SLC9A9: variants seen among roughly 807,000 people sequenced by gnomAD.
SLC9A9 encodes sodium/hydrogen exchanger 9.
A neutral mutation model predicts 77.8 loss-of-function variants in SLC9A9; 62 were observed. That is an observed-to-expected ratio of 0.80 (90% CI 0.65 to 0.98). The LOEUF (loss-of-function observed/expected upper bound fraction) is 0.98, where lower values mean the gene tolerates loss of function less well. SLC9A9 is among the 50% of genes least tolerant of loss of function. SLC9A9 has a pLI of 0.00. For missense variants in SLC9A9, 775 were observed against 774.9 expected (o/e 1.00, Z 0.00); for synonymous variants, 320 against 283.5 (o/e 1.13, Z -1.29).
At chr3:143,422,835 C>T (rs1356353109) in intron 12 of SLC9A9, among the ~76,000 whole-genome samples, 1 of 152,184 alleles carries the variant, frequency 6.6e-6, no homozygotes, top group Non-Finnish European at 1.5e-5. Flanking sequence ...CAGTGTGGCC[C>T]TGGCCCTGTG....
At chr3:143,369,675 G>A (rs1401693057) in intron 13 of SLC9A9, among the ~76,000 whole-genome samples, 1 of 151,896 alleles carries the variant, frequency 6.6e-6, no homozygotes, top group Non-Finnish European at 1.5e-5. Context: ...CTCTTTGAAG[G>A]AAAAAAAAGA....
At chr3:143,614,445 C>T (rs1304118301) in intron 6 of SLC9A9, among the ~76,000 whole-genome samples, 5 of 152,262 alleles carry the variant, frequency 3.3e-5, no homozygotes, top group South Asian at 2.1e-4. Context: ...AGGATATGTC[C>T]GGCTTGGGGG....
intron 12 of SLC9A9, among the ~76,000 whole-genome samples, chr3:143,431,363 C>G (rs2034510069): frequency 6.6e-6 from 1 of 152,172 alleles, no homozygotes; most frequent in Non-Finnish European, 1.5e-5. Flanking sequence ...TAATTCAACT[C>G]TCAGCCCCTA....
chr3:143,426,630 G>GA (rs1207906716), intron 12 of SLC9A9, among the ~76,000 whole-genome samples: 3 of 152,052 alleles, frequency 2.0e-5, no homozygotes, highest in African/African-American at 7.2e-5. Flanking sequence ...GCAGCATGCA[G>GA]AAAAAAACAT....
chr3:143,739,092 G>A (rs762193907), intron 4 of SLC9A9, among the ~76,000 whole-genome samples: 1 of 152,122 alleles, frequency 6.6e-6, no homozygotes, highest in Non-Finnish European at 1.5e-5. Flanking sequence ...TATAAGGTAA[G>A]TGGTGAAGCT....
chr3:143,439,693 C>A (rs1412051631), intron 12 of SLC9A9, among the ~76,000 whole-genome samples: 1 of 152,132 alleles, frequency 6.6e-6, no homozygotes, highest in Non-Finnish European at 1.5e-5. Flanking sequence ...CCCTGTATCC[C>A]CCCAACTCCC....
At position 143,278,207 on chromosome 3, in the gene SLC9A9, G is replaced by A. The variant is rs139808942; in HGVS notation, c.1605-9227C>T. 7.3e-3 allele frequency among the ~76,000 whole-genome samples: 1,118 copies of A among 152,260 alleles called. 15 individuals are homozygous for A. Among genetic ancestry groups the A allele is most frequent in the African/African-American group, 0.025 (1,036 of 41,548 alleles). ...ACTGCAGTGTAGGCCCCACAGGTTC[G>A]GATTCTCAGAGCACTAAGTCAAAGA... On this transcript the variant is annotated intron_variant, in intron 14 of 15. Transcript: ENST00000316549.
chr3:143,406,812 C>G (rs2033991126), intron 12 of SLC9A9, among the ~76,000 whole-genome samples: 1 of 151,706 alleles, frequency 6.6e-6, no homozygotes, highest in Non-Finnish European at 1.5e-5. Flanking sequence ...CCTGTCTCTA[C>G]TAAAAACACA....
intron 14 of SLC9A9, among the ~76,000 whole-genome samples, chr3:143,309,652 G>C (rs1391528069): frequency 6.6e-6 from 1 of 152,166 alleles, no homozygotes; most frequent in African/African-American, 2.4e-5. Context: ...CTTTAAAGGG[G>C]CATTTTCTTA....
Position 143,382,061 on chromosome 3 carries a change from T to C in SLC9A9, c.1523A>G (p.Gln508Arg), listed in dbSNP as rs1193393270. 2 of 1,614,138 alleles carry C rather than the reference T, an allele frequency of 1.2e-6. No homozygotes were observed. Among genetic ancestry groups the C allele is most frequent in the South Asian group, 1.1e-5 (1 of 91,082 alleles). ...TGTGCATTGGTTTCTTTGACTTGCC[T>C]GGTGTTGTGAGGAGGGGTCCTCCTT... is the stretch of plus-strand genomic sequence containing the variant. ...NLKEDPSSQH[Q>R]EANNLDKNMT... The change falls in exon 13 of 16, where the codon CAG (glutamine) becomes CGG (arginine). Residue 508 changes from glutamine (Q) to arginine (R), a missense_variant and splice_region_variant. Gln to Arg is a conservative substitution (Grantham distance 43). Transcript: ENST00000316549.
intron 12 of SLC9A9, among the ~76,000 whole-genome samples, chr3:143,453,970 T>C (rs1559923813): frequency 6.6e-6 from 1 of 152,180 alleles, no homozygotes; most frequent in African/African-American, 2.4e-5. Context: ...CCTTCTGTCA[T>C]GTGAGGACAT....
chr3:143,324,298 C>T (rs909966695), intron 14 of SLC9A9, among the ~76,000 whole-genome samples: 2 of 152,142 alleles, frequency 1.3e-5, no homozygotes, highest in Non-Finnish European at 2.9e-5. Context: ...CTCTCCATTC[C>T]CACAGCACAT....
chr3:143,810,047 G>A (rs2008822934), intron 2 of SLC9A9, among the ~76,000 whole-genome samples: 1 of 152,300 alleles, frequency 6.6e-6, no homozygotes, highest in Admixed American at 6.5e-5. Flanking sequence ...AAAACAGTGA[G>A]ATTTTTAAAT....
At chr3:143,327,672 A>T (rs911303827) in intron 14 of SLC9A9, among the ~76,000 whole-genome samples, 1 of 152,202 alleles carries the variant, frequency 6.6e-6, no homozygotes, top group Non-Finnish European at 1.5e-5. Flanking sequence ...AGATACAGAA[A>T]TATCTCCTAA....
intron 6 of SLC9A9, among the ~76,000 whole-genome samples, chr3:143,602,620 T>C (rs2037863310): frequency 6.6e-6 from 1 of 152,226 alleles, no homozygotes; most frequent in African/African-American, 2.4e-5. Flanking sequence ...CTAGGAAATA[T>C]AGACACAAAT....
intron 11 of SLC9A9, among the ~76,000 whole-genome samples, chr3:143,476,844 A>G (rs950960782): frequency 2.0e-5 from 3 of 152,198 alleles, no homozygotes; most frequent in Non-Finnish European, 4.4e-5. Context: ...ACTATTATCC[A>G]GTTGGTAGAA....
At chr3:143,713,715 G>A (rs1424217951) in intron 4 of SLC9A9, among the ~76,000 whole-genome samples, 3 of 152,084 alleles carry the variant, frequency 2.0e-5, no homozygotes, top group Non-Finnish European at 2.9e-5. Flanking sequence ...GGGGAAGTAG[G>A]ACAAAATAAA....
At position 143,676,849 on chromosome 3, in the gene SLC9A9, C is replaced by T. The variant is rs547833466; in HGVS notation, c.649+16343G>A. On this transcript the variant is annotated intron_variant, in intron 5 of 15. Transcript: ENST00000316549. ...TCTGCCATTTAAGAATGTGAAAGAT[C>T]CTAGACTAGAGGTTAAGATCTGTGA... Among the ~76,000 whole-genome samples, 3 of 152,298 alleles carry T rather than the reference C, an allele frequency of 2.0e-5. No individual in the cohort carries two copies. The South Asian group carries it at 6.2e-4, about 32-fold the overall frequency.
Position 143,688,588 on chromosome 3 carries a change from A to G in SLC9A9, c.649+4604T>C, listed in dbSNP as rs1310377894. On this transcript the variant is annotated intron_variant, in intron 5 of 15. Transcript: ENST00000316549. ...TGAGTCCATGCTTCCAGTGGCTGCCAAGGGACTTCCGCATTTCCCTTGGGC... is the reference window on the plus strand; with the variant it reads ...TGAGTCCATGCTTCCAGTGGCTGCCGAGGGACTTCCGCATTTCCCTTGGGC... 3.3e-5 allele frequency among the ~76,000 whole-genome samples: 5 copies of G among 152,116 alleles called. No homozygotes were observed. The East Asian group carries it at 9.6e-4, about 29-fold the overall frequency.
Sources: gnomAD v4.1 joint callset for allele counts (sites outside exome capture counted in the v4.1 genomes callset) on GRCh38, gnomAD v4.1.1 for gene constraint, MANE v1.5 for transcripts, NCBI Gene and HGNC (gene_info 2026-07-23, HGNC 2026-07-21) for gene names.